The following OXR1 variants were observed in gnomAD, a reference collection of about 807,000 sequenced individuals.
OXR1 encodes the protein oxidation resistance protein 1.
A neutral mutation model predicts 104.6 loss-of-function variants in OXR1; 41 were observed. The observed-to-expected ratio is 0.39, with a 90% CI of 0.31 to 0.51. OXR1 has a LOEUF of 0.51. Ranked by LOEUF, OXR1 falls within the 20% of genes least tolerant of loss-of-function variation. The pLI is 0.77. For synonymous variants in OXR1, 348 were observed against 348.4 expected (o/e 1.00, Z 0.01); for missense variants, 955 against 1,031.9 (o/e 0.93, Z 1.02).
At chr8:106,474,342 A>G (rs1425523445) in intron 2 of OXR1, among the ~76,000 whole-genome samples, 1 of 151,766 alleles carries the variant, frequency 6.6e-6, no homozygotes, top group Non-Finnish European at 1.5e-5. Flanking sequence ...AAGTATGAGA[A>G]GTATTTCTTT....
At chr8:106,436,267 T>C (rs1819562342) in intron 2 of OXR1, among the ~76,000 whole-genome samples, 2 of 152,132 alleles carry the variant, frequency 1.3e-5, no homozygotes, top group South Asian at 4.1e-4. Context: ...TATTTATTAT[T>C]ATTCTCAGTC....
At chr8:106,660,926 T>A (rs1483999764) in intron 3 of OXR1, among the ~76,000 whole-genome samples, 1 of 152,058 alleles carries the variant, frequency 6.6e-6, no homozygotes, top group African/African-American at 2.4e-5. Context: ...GGCAGGAGAA[T>A]CGCTTAAACC....
intron 2 of OXR1, among the ~76,000 whole-genome samples, chr8:106,375,800 G>C (rs935411673): frequency 6.6e-6 from 1 of 152,214 alleles, no homozygotes; most frequent in Admixed American, 6.5e-5. Flanking sequence ...GTTAGAAAAA[G>C]AGGTGACATC....
intron 2 of OXR1, among the ~76,000 whole-genome samples, chr8:106,491,537 C>G (rs1470157687): frequency 2.0e-5 from 3 of 152,150 alleles, no homozygotes; most frequent in Non-Finnish European, 4.4e-5. Context: ...TAAAAACTTC[C>G]TATATGATCT....
At chr8:106,412,717 A>T (rs933872157) in intron 2 of OXR1, among the ~76,000 whole-genome samples, 1 of 152,108 alleles carries the variant, frequency 6.6e-6, no homozygotes, top group Non-Finnish European at 1.5e-5. Context: ...AGCAGACTGC[A>T]TTTTATTTCT....
Position 106,500,563 on chromosome 8 carries a change from T to TTTTAAGGCAGTAGCTTG in OXR1, c.24-18379_24-18363dup, listed in dbSNP as rs532703386. Among the ~76,000 whole-genome samples, 331 of 152,292 alleles carry TTTTAAGGCAGTAGCTTG rather than the reference T, an allele frequency of 2.2e-3. 3 individuals are homozygous for TTTTAAGGCAGTAGCTTG. The highest frequency in any genetic ancestry group is 3.4e-3 in the Admixed American group (52 of 15,288). The stretch of plus-strand genomic sequence containing the variant: ...AAATTGTGCATTCAGGGAGCTCGGA[T>TTTTAAGGCAGTAGCTTG]TTTAAGGCAGTAGCTTGACGATGCT... On this transcript the variant is annotated intron_variant, in intron 2 of 16. Coordinates refer to ENST00000517566, the MANE Select transcript of OXR1 (RefSeq NM_001198533.2).
At chr8:106,465,655 TG>T (rs1452413189) in intron 2 of OXR1, among the ~76,000 whole-genome samples, 1 of 151,948 alleles carries the variant, frequency 6.6e-6, no homozygotes, top group Admixed American at 6.6e-5. Context: ...GGACCAGTTG[TG>T]GAGTGTAAGA....
intron 14 of OXR1, among the ~76,000 whole-genome samples, chr8:106,740,964 T>G (rs945719872): frequency 6.6e-6 from 1 of 152,146 alleles, no homozygotes; most frequent in Non-Finnish European, 1.5e-5. Context: ...AATTGGAAAC[T>G]AATGAGAAGG....
At chr8:106,670,425 A>G (rs73699983) in intron 3 of OXR1, among the ~76,000 whole-genome samples, 109 of 152,322 alleles carry the variant, frequency 7.2e-4, no homozygotes, top group African/African-American at 2.5e-3. Context: ...TCTGCACACA[A>G]AATAGGCACA....
intron 3 of OXR1, among the ~76,000 whole-genome samples, chr8:106,588,005 G>T (rs917383099): frequency 6.6e-6 from 1 of 151,346 alleles, no homozygotes; most frequent in Non-Finnish European, 1.5e-5. Flanking sequence ...AGGCTGGAGT[G>T]CAGTGGCACA....
At chr8:106,491,831 C>A (rs1453223) in intron 2 of OXR1, among the ~76,000 whole-genome samples, 3 of 151,918 alleles carry the variant, frequency 2.0e-5, no homozygotes, top group Admixed American at 1.3e-4. Flanking sequence ...AGGTGGTTTA[C>A]GTGAGTGTTT....
At chr8:106,750,319 C>CTTTCTTTTTTTTTTTT (rs1563773398) in intron 16 of OXR1, among the ~76,000 whole-genome samples, 2 of 68,260 alleles carry the variant, frequency 2.9e-5, no homozygotes, top group African/African-American at 4.6e-5. Flanking sequence ...CTTTTCTTTT[C>CTTTCTTTTTTTTTTTT]TTTTCTTTTT....
At chr8:106,667,570 C>G (rs1258970325) in intron 3 of OXR1, among the ~76,000 whole-genome samples, 1 of 152,094 alleles carries the variant, frequency 6.6e-6, no homozygotes, top group Non-Finnish European at 1.5e-5. Context: ...GATAAAATGA[C>G]TGTGTGGCAA....
chr8:106,518,944 C>A lies in OXR1; in HGVS notation c.25C>A (p.Leu9Met). ...GCATGTGGTCTTCTTTACTTGTAGGCTGAAGAAAAAGTCCCAGTCGGTGGA... is the reference window on the plus strand; with the variant it reads ...GCATGTGGTCTTCTTTACTTGTAGGATGAAGAAAAAGTCCCAGTCGGTGGA... MSVSNLSW[L>M]KKKSQSVDIN... The change falls in exon 3 of 17, where the codon CTG (leucine) becomes ATG (methionine). Residue 9 changes from leucine to methionine, a missense_variant and splice_region_variant. This residue lies in a region of OXR1 where 849 missense variants were observed against 852.9 expected (regional missense o/e 1.00). Coordinates refer to ENST00000517566, the MANE Select transcript of OXR1 (RefSeq NM_001198533.2). 1 of 1,548,376 alleles carries A rather than the reference C, an allele frequency of 6.5e-7. No individual in the cohort carries two copies. Among genetic ancestry groups the A allele is most frequent in the South Asian group, 1.2e-5 (1 of 83,752 alleles).
At chr8:106,292,693 A>C (rs1812807764) in intron 1 of OXR1, among the ~76,000 whole-genome samples, 1 of 152,186 alleles carries the variant, frequency 6.6e-6, no homozygotes, top group Admixed American at 6.5e-5. Flanking sequence ...GTGAGCAGTA[A>C]TAGAAAAGAG....
intron 1 of OXR1, among the ~76,000 whole-genome samples, chr8:106,347,133 G>A (rs1470142757): frequency 6.6e-6 from 1 of 152,238 alleles, no homozygotes; most frequent in African/African-American, 2.4e-5. Context: ...AAGGCTTTTA[G>A]AGAATAGGCA....
chr8:106,515,581 G>C (rs1445736691), intron 2 of OXR1, among the ~76,000 whole-genome samples: 1 of 151,952 alleles, frequency 6.6e-6, no homozygotes, highest in Non-Finnish European at 1.5e-5. Flanking sequence ...ATGTGTTCCA[G>C]GTTCATTCAT....
intron 3 of OXR1, among the ~76,000 whole-genome samples, chr8:106,669,117 C>T (rs1258755000): frequency 1.3e-5 from 2 of 151,616 alleles, no homozygotes; most frequent in Non-Finnish European, 2.9e-5. Flanking sequence ...GGGTATGAGA[C>T]CAAGAGGAGT....
rs76772264 is a variant in OXR1 at position 106,627,902 on chromosome 8, T to C, written c.221-51308T>C. Reference sequence around the variant, plus strand: ...CAGCTATCCCTTCTGCAGGTCTGTATGATTGCACTTAGCAGATTTCCCATG... The same window carrying C: ...CAGCTATCCCTTCTGCAGGTCTGTACGATTGCACTTAGCAGATTTCCCATG... On this transcript the variant is annotated intron_variant, in intron 3 of 16. Coordinates refer to ENST00000517566, the MANE Select transcript of OXR1 (RefSeq NM_001198533.2). 2.3e-3 allele frequency among the ~76,000 whole-genome samples: 347 copies of C among 152,282 alleles called. 2 individuals are homozygous for C. Among genetic ancestry groups the C allele is most frequent in the African/African-American group, 8.1e-3 (336 of 41,558 alleles).
Sources: allele counts gnomAD v4.1 joint callset (sites outside exome capture counted in the v4.1 genomes callset), GRCh38; gene constraint gnomAD v4.1.1; regional missense constraint gnomAD v4.1.1; transcripts MANE v1.5; gene names NCBI Gene and HGNC (gene_info 2026-07-23, HGNC 2026-07-21).